Variants in LRPPRC observed in about 807,000 individuals in gnomAD.
LRPPRC encodes the protein leucine-rich PPR motif-containing protein, mitochondrial.
In LRPPRC, 120 loss-of-function variants were observed where a neutral mutation model predicts 180.3. That is an observed-to-expected ratio of 0.67 (90% confidence interval 0.57 to 0.77). The LOEUF (loss-of-function observed/expected upper bound fraction) is 0.77. LRPPRC is among the 30% of genes least tolerant of loss of function. The pLI is 0.00. For synonymous variants in LRPPRC, 723 were observed against 600.0 expected (o/e 1.21, Z -3.00); for missense variants, 2,012 against 1,657.2 (o/e 1.21, Z -3.72).
At chr2:43,994,410 A>G (rs901581278) in intron 1 of LRPPRC, among the ~76,000 whole-genome samples, 2 of 152,232 alleles carry the variant, frequency 1.3e-5, no homozygotes, top group African/African-American at 2.4e-5. Context: ...TGTAGTAACC[A>G]ACAAAGCACT....
At chr2:43,970,886 G>T (rs1450800178) in intron 11 of LRPPRC, among the ~76,000 whole-genome samples, 2 of 152,164 alleles carry the variant, frequency 1.3e-5, no homozygotes, top group Non-Finnish European at 2.9e-5. Flanking sequence ...ATCACGTGAG[G>T]TCAGGAGTTT....
intron 30 of LRPPRC, among the ~76,000 whole-genome samples, chr2:43,906,856 TC>T (rs1207534022): frequency 1.3e-5 from 2 of 152,182 alleles, no homozygotes; most frequent in Non-Finnish European, 2.9e-5. Flanking sequence ...CACAGGATTT[TC>T]TTATTCCTCC....
At position 43,943,723 on chromosome 2, in the gene LRPPRC, T is replaced by A. The variant is rs767395024; in HGVS notation, c.2468A>T (p.Asn823Ile). The A allele has an allele frequency of 1.9e-6, 3 of 1,613,436 alleles. No individual in the cohort carries two copies. Among genetic ancestry groups the A allele is most frequent in the Non-Finnish European group, 2.5e-6 (3 of 1,179,406 alleles). ...TACAGTGACCAATGGGAAACTTATGTTGGTGGATGGTTCTGCTAACCCTAG... is the reference window on the plus strand; with the variant it reads ...TACAGTGACCAATGGGAAACTTATGATGGTGGATGGTTCTGCTAACCCTAG... ...VTLGLAEPST[N>I]ISFPLVTVHL... The change falls in exon 23 of 38, where the codon AAC (asparagine) becomes ATC (isoleucine). Residue 823 changes from asparagine (N) to isoleucine (I), a missense_variant. Transcript: ENST00000260665.
chr2:43,949,548 A>G (rs1672816999), intron 16 of LRPPRC, 54 bp downstream of exon 16: 1 of 1,354,258 alleles, frequency 7.4e-7, no homozygotes, highest in Admixed American at 1.7e-5. Context: ...ACCCATCATT[A>G]CACAGAAAAA....
At chr2:43,966,961 G>A (rs1673587716) in intron 11 of LRPPRC, among the ~76,000 whole-genome samples, 1 of 152,014 alleles carries the variant, frequency 6.6e-6, no homozygotes, top group African/African-American at 2.4e-5. Context: ...TGAAGAAGGA[G>A]AACTGCTTGA....
chr2:43,980,264 T>C (rs1236649857), intron 2 of LRPPRC, among the ~76,000 whole-genome samples: 1 of 152,124 alleles, frequency 6.6e-6, no homozygotes, highest in Non-Finnish European at 1.5e-5. Context: ...AACTTCCCAG[T>C]ATCTTATGAA....
Position 43,886,509 on chromosome 2 carries a change from A to G in LRPPRC, c.*2091T>C, listed in dbSNP as rs1670275994. On this transcript the variant is annotated 3_prime_UTR_variant, in exon 38 of 38. Transcript: ENST00000260665. ...AATATTTATATTCAATAGGGGAATCAATACAATACAAAAGATATTTGAACA... is the reference window on the plus strand; with the variant it reads ...AATATTTATATTCAATAGGGGAATCGATACAATACAAAAGATATTTGAACA... 6.6e-6 allele frequency: 1 copy of G among 152,204 alleles called. No homozygotes were observed. The highest frequency in any genetic ancestry group is 6.5e-5 in the Admixed American group (1 of 15,286). The allele number at this position is 152,204 out of a possible 1,614,324, so 9.4% of individuals were successfully genotyped here.
chr2:43,918,807 ATAGATATATATATATC>A (rs1671581661), intron 27 of LRPPRC, among the ~76,000 whole-genome samples: 13 of 135,280 alleles, frequency 9.6e-5, no homozygotes, highest in Admixed American at 2.2e-4. Context: ...ATATATATAT[ATAGATATATATATATC>A]TATATATAGA....
At chr2:43,968,577 TAAAG>T in intron 11 of LRPPRC, among the ~76,000 whole-genome samples, 1 of 152,274 alleles carries the variant, frequency 6.6e-6, no homozygotes, top group East Asian at 1.9e-4. Flanking sequence ...CTTCTCTACA[TAAAG>T]AAAGCTGAAA....
intron 36 of LRPPRC, among the ~76,000 whole-genome samples, chr2:43,890,610 G>A (rs1377321200): frequency 6.6e-6 from 1 of 152,214 alleles, no homozygotes; most frequent in African/African-American, 2.4e-5. Flanking sequence ...CTACTTGGGA[G>A]GCGGAGGCAG....
chr2:43,946,638 A>C (rs1401999667), intron 20 of LRPPRC, among the ~76,000 whole-genome samples: 1 of 152,100 alleles, frequency 6.6e-6, no homozygotes, highest in Non-Finnish European at 1.5e-5. Flanking sequence ...GTATCCAAGT[A>C]ATATGAAGAA....
chr2:43,978,666 G>A (rs1381950321), intron 3 of LRPPRC, among the ~76,000 whole-genome samples: 1 of 151,498 alleles, frequency 6.6e-6, no homozygotes, highest in Non-Finnish European at 1.5e-5. Flanking sequence ...TATCTATATA[G>A]TTTTTAACTT....
chr2:43,943,321 C>T (rs1672553070), intron 23 of LRPPRC, among the ~76,000 whole-genome samples: 1 of 152,042 alleles, frequency 6.6e-6, no homozygotes, highest in African/African-American at 2.4e-5. Context: ...ACTGAAGATG[C>T]TTCAACACTT....
At chr2:43,893,798 C>T (rs1165876343) in intron 36 of LRPPRC, among the ~76,000 whole-genome samples, 1 of 151,922 alleles carries the variant, frequency 6.6e-6, no homozygotes, top group African/African-American at 2.4e-5. Flanking sequence ...GAATGTTCTC[C>T]CTGTAAGGAC....
Position 43,995,804 on chromosome 2 carries a change from C to G in LRPPRC, c.144G>C (p.Val48=). ...SYLPAARAGP[V]AGGLLSPARL... ...GAAAGGGCCTGGGCACTCACCCGGC[C>G]ACGGGCCCGGCGCGAGCGGCGGGCA... Residue 48 remains valine (V), a synonymous_variant, in exon 1 of 38, where the codon GTG becomes GTC. Coordinates refer to ENST00000260665, the MANE Select transcript of LRPPRC (RefSeq NM_133259.4). 1 of 1,388,710 alleles carries G rather than the reference C, an allele frequency of 7.2e-7. No individual in the cohort carries two copies. Among genetic ancestry groups the G allele is most frequent in the Non-Finnish European group, 9.2e-7 (1 of 1,083,384 alleles). 86.0% of individuals were successfully genotyped at this position (1,388,710 alleles called of 1,614,324 possible). A position where few individuals can be genotyped will look rare whatever the true frequency, so the allele number is the denominator to read the frequency against.
At position 43,973,816 on chromosome 2, in the gene LRPPRC, C is replaced by T; in HGVS notation, c.1240G>A (p.Ala414Thr). Residue 414 changes from alanine (A) to threonine (T), a missense_variant, in exon 10 of 38, where the codon GCT (alanine) becomes ACT (threonine). Coordinates refer to ENST00000260665, the MANE Select transcript of LRPPRC (RefSeq NM_133259.4). ...SFPLQFTLHC[A>T]LLANKTDLAK... ...GTACCAGTTTTATTGGCGAGTAAAG[C>T]ACAATGGAGGGTGAACTGCAGAGGA... 6.2e-7 allele frequency: 1 copy of T among 1,613,680 alleles called. No homozygotes were observed. The highest frequency in any genetic ancestry group is 2.2e-5 in the East Asian group (1 of 44,876).
intron 14 of LRPPRC, among the ~76,000 whole-genome samples, chr2:43,955,329 C>T (rs547639671): frequency 1.8e-4 from 27 of 151,724 alleles, no homozygotes; most frequent in Admixed American, 1.6e-3. Context: ...ATTAGCTGGG[C>T]GTGGTAGTGC....
chr2:43,970,065 AGATGATAGATTTTTCAGTGTTTGAAAACT>A (rs1451302689), intron 11 of LRPPRC, among the ~76,000 whole-genome samples: 1 of 152,188 alleles, frequency 6.6e-6, no homozygotes, highest in East Asian at 1.9e-4. Context: ...AAAGTTTCTC[AGATGATAGATTTTTCAGTGTTTGAAAACT>A]GGCCACCAAA....
chr2:43,937,646 A>G (rs1490907837), intron 23 of LRPPRC, among the ~76,000 whole-genome samples: 1 of 152,222 alleles, frequency 6.6e-6, no homozygotes. Context: ...ATACATTTCT[A>G]GAAGTGGTGA....
Sources: allele counts gnomAD v4.1 joint callset (sites outside exome capture counted in the v4.1 genomes callset), GRCh38; gene constraint gnomAD v4.1.1; transcripts MANE v1.5; gene names NCBI Gene and HGNC (gene_info 2026-07-23, HGNC 2026-07-21).